The following BRINP1 variants were observed in gnomAD, a reference collection of about 807,000 sequenced individuals.
BRINP1 encodes BMP/retinoic acid-inducible neural-specific protein 1.
BRINP1 carries 17 observed loss-of-function variants against 72.9 expected under a neutral mutation model. The ratio of observed to expected loss-of-function variants is 0.23; its 90% CI spans 0.16 to 0.35. The LOEUF (loss-of-function observed/expected upper bound fraction) is 0.35, where lower values mean the gene tolerates loss of function less well. BRINP1 is among the 10% of genes least tolerant of loss of function. The probability of loss-of-function intolerance (pLI) is 1.00; values close to 1 mark genes in which losing one functional copy is unlikely to be tolerated. For synonymous variants in BRINP1, 418 were observed against 378.5 expected (o/e 1.10, Z -1.21); for missense variants, 850 against 1,001.6 (o/e 0.85, Z 2.04).
chr9:119,356,844 A>C (rs558330189), intron 1 of BRINP1, among the ~76,000 whole-genome samples: 7 of 152,214 alleles, frequency 4.6e-5, no homozygotes, highest in African/African-American at 1.7e-4. Context: ...GACAGAATGA[A>C]AGTCATATTT....
At chr9:119,243,883 GAGTGCAC>G (rs925743361) in intron 3 of BRINP1, among the ~76,000 whole-genome samples, 1 of 152,154 alleles carries the variant, frequency 6.6e-6, no homozygotes, top group Non-Finnish European at 1.5e-5. Flanking sequence ...CAAGGTAAGG[GAGTGCAC>G]AGAATGCAAC....
intron 1 of BRINP1, among the ~76,000 whole-genome samples, chr9:119,331,203 A>T (rs1209077323): frequency 2.0e-5 from 3 of 152,180 alleles, no homozygotes; most frequent in Non-Finnish European, 4.4e-5. Context: ...AGGCTTTGCT[A>T]CCAGACCTGA....
intron 2 of BRINP1, among the ~76,000 whole-genome samples, chr9:119,275,844 G>T (rs1408833211): frequency 6.6e-6 from 1 of 152,146 alleles, no homozygotes; most frequent in East Asian, 1.9e-4. Flanking sequence ...CTGGGAAAGG[G>T]TGTCAGGTAA....
intron 2 of BRINP1, among the ~76,000 whole-genome samples, chr9:119,254,084 T>C (rs954068699): frequency 6.6e-6 from 1 of 152,130 alleles, no homozygotes; most frequent in Non-Finnish European, 1.5e-5. Context: ...TTAAACAACA[T>C]TAGAGACAAA....
chr9:119,250,580 G>A (rs1002284226), intron 2 of BRINP1, among the ~76,000 whole-genome samples: 3 of 152,194 alleles, frequency 2.0e-5, no homozygotes, highest in East Asian at 1.9e-4. Context: ...CTAATTTAAT[G>A]TGAATTATTG....
rs1276385699 is a variant in BRINP1, at chr9:119,249,147, C to T, written c.222G>A (p.Glu74=). ...GFTTRYKIYR[E]FARWKVRNTA... is the part of the protein sequence containing the mutation. ...TGTTCCTCACCTTCCAACGGGCAAA[C>T]TCCCTGGGCAGGAGAAATGAGCAAC... Residue 74 remains glutamate, a synonymous_variant, in exon 3 of 8, where the codon GAG becomes GAA. Coordinates refer to ENST00000265922, the MANE Select transcript of BRINP1 (RefSeq NM_014618.3). 1 of 1,612,678 alleles carries T rather than the reference C, an allele frequency of 6.2e-7. No individual in the cohort carries two copies. The highest frequency in any genetic ancestry group is 8.5e-7 in the Non-Finnish European group (1 of 1,179,380).
At chr9:119,261,504 A>T (rs1035180255) in intron 2 of BRINP1, among the ~76,000 whole-genome samples, 1 of 152,180 alleles carries the variant, frequency 6.6e-6, no homozygotes. Context: ...TTTATCCCAG[A>T]GCTACTCCCA....
intron 7 of BRINP1, among the ~76,000 whole-genome samples, chr9:119,201,598 C>T (rs1431634653): frequency 6.6e-6 from 1 of 152,126 alleles, no homozygotes; most frequent in Admixed American, 6.5e-5. Context: ...ATTTCTGTAC[C>T]CAGTGCTCTC....
chr9:119,264,930 C>G (rs957509088), intron 2 of BRINP1, among the ~76,000 whole-genome samples: 2 of 152,204 alleles, frequency 1.3e-5, no homozygotes, highest in African/African-American at 4.8e-5. Context: ...CTTGGCCTCC[C>G]CAAGTGCTGG....
chr9:119,197,785 G>A (rs79551447), intron 7 of BRINP1, among the ~76,000 whole-genome samples: 4,939 of 152,198 alleles, frequency 0.032, 235 homozygotes, highest in African/African-American at 0.11. Context: ...GTTTATGCCC[G>A]TTGCATTTGC....
intron 1 of BRINP1, among the ~76,000 whole-genome samples, chr9:119,333,521 A>C (rs1346779293): frequency 6.6e-6 from 1 of 152,030 alleles, no homozygotes; most frequent in Non-Finnish European, 1.5e-5. Context: ...ATAAAAAAAA[A>C]TAAATTTTCC....
chr9:119,327,727 A>G (rs931579078), intron 1 of BRINP1, among the ~76,000 whole-genome samples: 1 of 152,210 alleles, frequency 6.6e-6, no homozygotes, highest in Non-Finnish European at 1.5e-5. Context: ...GAAGGTGTAT[A>G]CAATGACTCT....
intron 2 of BRINP1, among the ~76,000 whole-genome samples, chr9:119,307,699 A>G (rs1170743792): frequency 6.6e-6 from 1 of 152,244 alleles, no homozygotes; most frequent in Non-Finnish European, 1.5e-5. Context: ...AAGCTGTCAA[A>G]TTTAAGCAGA....
chr9:119,197,017 G>A (rs147204733), intron 7 of BRINP1, among the ~76,000 whole-genome samples: 53 of 152,304 alleles, frequency 3.5e-4, no homozygotes, highest in East Asian at 3.1e-3. Context: ...CACTTTACCC[G>A]TCACTGAGGA....
intron 7 of BRINP1, among the ~76,000 whole-genome samples, chr9:119,172,516 G>T (rs1261370284): frequency 6.6e-6 from 1 of 151,554 alleles, no homozygotes; most frequent in Non-Finnish European, 1.5e-5. Context: ...AAGAGTCCAG[G>T]ACCAGATGGA....
intron 2 of BRINP1, among the ~76,000 whole-genome samples, chr9:119,250,725 C>A (rs1283872269): frequency 6.6e-6 from 1 of 152,132 alleles, no homozygotes; most frequent in African/African-American, 2.4e-5. Flanking sequence ...GTTGCTTTTG[C>A]TCAGTAACAA....
intron 1 of BRINP1, among the ~76,000 whole-genome samples, chr9:119,318,623 G>T (rs949284247): frequency 1.3e-5 from 2 of 152,116 alleles, no homozygotes; most frequent in Non-Finnish European, 2.9e-5. Flanking sequence ...GCAAGCAGGG[G>T]ATGAAGGCGA....
chr9:119,350,468 T>C (rs1054460548), intron 1 of BRINP1, among the ~76,000 whole-genome samples: 3 of 152,170 alleles, frequency 2.0e-5, no homozygotes, highest in African/African-American at 7.2e-5. Flanking sequence ...CTACAGCTCA[T>C]ACAGTTCACA....
At chr9:119,233,816 G>A (rs1361891658) in intron 5 of BRINP1, among the ~76,000 whole-genome samples, 1 of 151,966 alleles carries the variant, frequency 6.6e-6, no homozygotes, top group Non-Finnish European at 1.5e-5. Context: ...TCTCCCTAAA[G>A]GTTAACACTC....
Sources: allele counts gnomAD v4.1 joint callset (sites outside exome capture counted in the v4.1 genomes callset), GRCh38; gene constraint gnomAD v4.1.1; transcripts MANE v1.5; gene names NCBI Gene and HGNC (gene_info 2026-07-23, HGNC 2026-07-21).